Variants in GRM7 observed in about 807,000 individuals in gnomAD.
The protein encoded by GRM7 is glutamate metabotropic receptor 7, also known as metabotropic glutamate receptor 7.
GRM7 carries 35 observed loss-of-function variants against 84.5 expected under a neutral mutation model. That is an observed-to-expected ratio of 0.41 (90% CI 0.32 to 0.55). GRM7 has a LOEUF of 0.55. Among genes scored for constraint, GRM7 ranks in the 20% least tolerant of loss-of-function variants. The probability of loss-of-function intolerance (pLI) is 0.19; values close to 1 mark genes in which losing one functional copy is unlikely to be tolerated. For missense variants in GRM7, 1,003 were observed against 1,194.6 expected, an observed-to-expected ratio of 0.84 and a Z score of 2.36; for synonymous variants, 487 against 455.1, an observed-to-expected ratio of 1.07 and a Z score of -0.89.
intron 2 of GRM7, among the ~76,000 whole-genome samples, chr3:7,211,651 C>CAAAA (rs1575036626): frequency 1.1e-4 from 3 of 28,422 alleles, no homozygotes; most frequent in Admixed American, 1.9e-4. Context: ...GTTCTCCCAA[C>CAAAA]CAAAAAAAAA....
chr3:7,045,557 C>T (rs1213388930), intron 1 of GRM7, among the ~76,000 whole-genome samples: 3 of 152,064 alleles, frequency 2.0e-5, no homozygotes, highest in Non-Finnish European at 2.9e-5. Flanking sequence ...TCCAAACCTC[C>T]GATAAGCACC....
At chr3:6,876,041 G>A (rs1008479133) in intron 1 of GRM7, among the ~76,000 whole-genome samples, 1 of 152,234 alleles carries the variant, frequency 6.6e-6, no homozygotes, top group East Asian at 1.9e-4. Flanking sequence ...GCCAAGGCAG[G>A]TGGATCACCT....
chr3:7,002,796 A>T lies in GRM7; in HGVS notation c.519+140889A>T, dbSNP rs112497177. 5.1e-3 allele frequency among the ~76,000 whole-genome samples: 777 copies of T among 152,338 alleles called. 11 individuals carry two copies. The highest frequency in any genetic ancestry group is 0.017 in the African/African-American group (726 of 41,580). ...AAGAGTTGTCTCCACTCCCATGTTC[A>T]TTTAAGTACTATTGATAATAGCCAA... On this transcript the variant is annotated intron_variant, in intron 1 of 9. Transcript: ENST00000357716.
At chr3:7,355,455 T>C (rs1306504228) in intron 4 of GRM7, among the ~76,000 whole-genome samples, 2 of 152,098 alleles carry the variant, frequency 1.3e-5, no homozygotes, top group African/African-American at 2.4e-5. Context: ...CAGTGCCAGA[T>C]AGAGGTGCTG....
chr3:7,237,429 A>T (rs1044959870), intron 2 of GRM7, among the ~76,000 whole-genome samples: 1 of 152,124 alleles, frequency 6.6e-6, no homozygotes, highest in African/African-American at 2.4e-5. Flanking sequence ...AAATCTGGGT[A>T]TCCAGAATTG....
intron 6 of GRM7, 86 bp downstream of exon 6, chr3:7,452,893 T>C: frequency 1.2e-6 from 1 of 802,398 alleles, no homozygotes; most frequent in Non-Finnish European, 2.0e-6. Flanking sequence ...ATTATTTACT[T>C]TAAAATATGT....
chr3:7,272,398 T>C (rs1039119692), intron 2 of GRM7, among the ~76,000 whole-genome samples: 4 of 152,164 alleles, frequency 2.6e-5, no homozygotes, highest in African/African-American at 7.2e-5. Flanking sequence ...TGAGTTAATA[T>C]ATGGAATACA....
intron 7 of GRM7, among the ~76,000 whole-genome samples, chr3:7,497,013 T>C (rs997632245): frequency 1.3e-5 from 2 of 150,948 alleles, no homozygotes; most frequent in Admixed American, 1.3e-4. Context: ...ATAGATACTA[T>C]AGAAAAATCT....
intron 4 of GRM7, among the ~76,000 whole-genome samples, chr3:7,322,666 CA>C (rs1700828739): frequency 6.6e-6 from 1 of 151,794 alleles, no homozygotes; most frequent in African/African-American, 2.4e-5. Flanking sequence ...TTTGTTTTTC[CA>C]TTCCTGAGTT....
At chr3:7,601,741 T>A (rs1391471155) in intron 8 of GRM7, among the ~76,000 whole-genome samples, 1 of 152,070 alleles carries the variant, frequency 6.6e-6, no homozygotes, top group Non-Finnish European at 1.5e-5. Flanking sequence ...AATATGCTAC[T>A]GGAGCAACTG....
chr3:6,985,794 A>G (rs1694386345), intron 1 of GRM7, among the ~76,000 whole-genome samples: 1 of 152,190 alleles, frequency 6.6e-6, no homozygotes, highest in Non-Finnish European at 1.5e-5. Flanking sequence ...TCTGGAAATG[A>G]GCTTGACTGT....
At chr3:7,463,013 G>C (rs555371114) in intron 7 of GRM7, among the ~76,000 whole-genome samples, 2 of 152,240 alleles carry the variant, frequency 1.3e-5, no homozygotes, top group Non-Finnish European at 2.9e-5. Flanking sequence ...TGGGGGAGTA[G>C]TAATCAAAAG....
chr3:7,575,165 T>C lies in GRM7; in HGVS notation c.1516-3257T>C, dbSNP rs532223746. On this transcript the variant is annotated intron_variant, in intron 7 of 9. Transcript: ENST00000357716. Reference sequence around the variant, plus strand: ...TATGAGATGGAGATGTAAAGTTCTGTTCTCTTGCCAAAAGCTAGGATCTCA... The same window carrying C: ...TATGAGATGGAGATGTAAAGTTCTGCTCTCTTGCCAAAAGCTAGGATCTCA... Among the ~76,000 whole-genome samples, 8 of 152,330 alleles carry C rather than the reference T, an allele frequency of 5.3e-5. No individual in the cohort carries two copies. The South Asian group carries it at 1.4e-3, about 28-fold the overall frequency.
chr3:7,071,990 G>A (rs1198059367), intron 1 of GRM7, among the ~76,000 whole-genome samples: 1 of 152,046 alleles, frequency 6.6e-6, no homozygotes, highest in Non-Finnish European at 1.5e-5. Context: ...GTTAAATTCA[G>A]TTTCCTTATT....
intron 1 of GRM7, among the ~76,000 whole-genome samples, chr3:7,064,463 C>CATATATATATATATATATATATATATAT (rs745409093): frequency 3.4e-5 from 3 of 87,390 alleles, no homozygotes; most frequent in African/African-American, 1.0e-4. Flanking sequence ...GATATATATA[C>CATATATATATATATATATATATATATAT]ATATATATAT....
chr3:7,397,905 T>G (rs1256723016), intron 4 of GRM7, among the ~76,000 whole-genome samples: 2 of 152,074 alleles, frequency 1.3e-5, no homozygotes, highest in African/African-American at 4.8e-5. Flanking sequence ...CTGGCCACAG[T>G]GTTAATAGTG....
chr3:7,422,215 AG>A (rs1696425720), intron 5 of GRM7, among the ~76,000 whole-genome samples: 1 of 152,172 alleles, frequency 6.6e-6, no homozygotes. Context: ...ATTATGGGTC[AG>A]GCTGTTTCTG....
chr3:7,230,292 T>G (rs1218515605), intron 2 of GRM7, among the ~76,000 whole-genome samples: 1 of 152,152 alleles, frequency 6.6e-6, no homozygotes. Flanking sequence ...AGTTAAAAAC[T>G]CTAATATAGT....
At chr3:7,732,475 A>C (rs140927820) in intron 9 of GRM7, among the ~76,000 whole-genome samples, 37 of 152,296 alleles carry the variant, frequency 2.4e-4, no homozygotes, top group African/African-American at 8.7e-4. Flanking sequence ...TAGGAAGGCC[A>C]CTTGGAGCAA....
Sources: allele counts gnomAD v4.1 joint callset (sites outside exome capture counted in the v4.1 genomes callset), GRCh38; gene constraint gnomAD v4.1.1; transcripts MANE v1.5; gene names NCBI Gene and HGNC (gene_info 2026-07-23, HGNC 2026-07-21).